Variants in ANKFY1 observed in about 807,000 individuals in gnomAD.
The protein encoded by ANKFY1 is ankyrin repeat and FYVE domain-containing protein 1.
A neutral mutation model predicts 128.3 loss-of-function variants in ANKFY1; 47 were observed. The ratio of observed to expected loss-of-function variants is 0.37; its 90% CI spans 0.29 to 0.47. The LOEUF (loss-of-function observed/expected upper bound fraction) is 0.47. Ranked by LOEUF, ANKFY1 falls within the 20% of genes least tolerant of loss-of-function variation. The probability of loss-of-function intolerance (pLI) is 1.00; values close to 1 mark genes in which losing one functional copy is unlikely to be tolerated. For missense variants in ANKFY1, 1,222 were observed against 1,510.6 expected (o/e 0.81, Z 3.17); for synonymous variants, 553 against 601.6 (o/e 0.92, Z 1.18).
chr17:4,228,375 G>A (rs1395541912), intron 3 of ANKFY1, among the ~76,000 whole-genome samples: 1 of 151,760 alleles, frequency 6.6e-6, no homozygotes, highest in Non-Finnish European at 1.5e-5. Flanking sequence ...GGATTGCAAA[G>A]AGACATGAGG....
At chr17:4,197,098 G>A (rs558162524) in intron 8 of ANKFY1, among the ~76,000 whole-genome samples, 7 of 152,242 alleles carry the variant, frequency 4.6e-5, no homozygotes, top group East Asian at 3.9e-4. Context: ...CAGCCTGGGT[G>A]ACAGAGTGAG....
At chr17:4,229,400 G>T (rs1467320065) in intron 3 of ANKFY1, among the ~76,000 whole-genome samples, 1 of 151,678 alleles carries the variant, frequency 6.6e-6, no homozygotes, top group South Asian at 2.1e-4. Flanking sequence ...CTCCAGCCTG[G>T]GTGACAGAGT....
intron 1 of ANKFY1, among the ~76,000 whole-genome samples, chr17:4,252,835 A>G (rs1967909287): frequency 1.3e-5 from 2 of 152,220 alleles, no homozygotes; most frequent in Non-Finnish European, 1.5e-5. Context: ...ACATCCATAT[A>G]ATGGAAGAGC....
intron 22 of ANKFY1, among the ~76,000 whole-genome samples, chr17:4,171,190 G>A (rs1333023320): frequency 6.6e-6 from 1 of 152,222 alleles, no homozygotes; most frequent in African/African-American, 2.4e-5. Flanking sequence ...ATCATCTACT[G>A]TGGTCTCAGT....
At chr17:4,213,946 G>A (rs2143020015) in intron 4 of ANKFY1, among the ~76,000 whole-genome samples, 2 of 152,178 alleles carry the variant, frequency 1.3e-5, no homozygotes, top group African/African-American at 4.8e-5. Context: ...CCACAGCAAT[G>A]TCTGACAAAG....
chr17:4,180,606 A>T (rs976967082), intron 16 of ANKFY1, among the ~76,000 whole-genome samples: 14 of 150,882 alleles, frequency 9.3e-5, no homozygotes, highest in African/African-American at 3.4e-4. Context: ...TACTAAAAAT[A>T]CAAAAAAAAA....
At chr17:4,188,140 A>C (rs1567923781) in intron 11 of ANKFY1, 1 of 152,346 alleles carries the variant, frequency 6.6e-6, no homozygotes, top group South Asian at 2.1e-4. Flanking sequence ...GCCCAAAACA[A>C]GCAGCAGCCT....
chr17:4,261,011 G>C (rs889700080), intron 1 of ANKFY1, among the ~76,000 whole-genome samples: 2 of 152,160 alleles, frequency 1.3e-5, no homozygotes, highest in Non-Finnish European at 2.9e-5. Context: ...TCTGATTAAA[G>C]CACAAGCAGT....
intron 2 of ANKFY1, among the ~76,000 whole-genome samples, chr17:4,240,333 G>A (rs1967142045): frequency 6.6e-6 from 1 of 151,166 alleles, no homozygotes; most frequent in African/African-American, 2.4e-5. Context: ...CCTAAGTGCT[G>A]GGATTACAGG....
At chr17:4,194,769 TTTCAGGGAC>T (rs1248177791) in intron 10 of ANKFY1, 200 bp downstream of exon 10, 7 of 568,248 alleles carry the variant, frequency 1.2e-5, no homozygotes, top group Non-Finnish European at 1.9e-5. Context: ...GAAGTTTCAG[TTTCAGGGAC>T]TTGATGTCTG....
In ANKFY1 at chr17:4,263,728, C is replaced by T. The variant is rs913029097; in HGVS notation, c.10+204G>A. On this transcript the variant is annotated intron_variant, in intron 1 of 24. Transcript: ENST00000341657. ...GCCGGCCGCAGTCCCGCGGGGTCGG[C>T]ATCGCGGGAGGGACGTTGTCATAGG... 5 of 1,481,352 alleles carry T rather than the reference C, an allele frequency of 3.4e-6. No homozygotes were observed. In the African/African-American group the frequency reaches 7.2e-5, roughly 21 times the overall value. The allele number at this position is 1,481,352 out of a possible 1,614,324, so 91.8% of individuals were successfully genotyped here. A position where few individuals can be genotyped will look rare whatever the true frequency, so the allele number is the denominator to read the frequency against.
At chr17:4,197,266 A>C (rs1405590036) in intron 8 of ANKFY1, 107 bp downstream of exon 8, 1 of 1,193,614 alleles carries the variant, frequency 8.4e-7, no homozygotes. Flanking sequence ...ATAAGACTGA[A>C]TAATGCCAAA....
chr17:4,174,889 A>G (rs928443345), intron 19 of ANKFY1, among the ~76,000 whole-genome samples: 2 of 151,918 alleles, frequency 1.3e-5, no homozygotes, highest in South Asian at 4.1e-4. Flanking sequence ...TACCTGGCTA[A>G]TTAAAAAAAA....
chr17:4,195,513 T>C lies in ANKFY1; in HGVS notation c.1104-42A>G, dbSNP rs201390368. ...AAGAGGGGTCAGTTCAGGACAGGCCTGTTCAGGATGACTCACGGCAAGACG... is the reference window on the plus strand; with the variant it reads ...AAGAGGGGTCAGTTCAGGACAGGCCCGTTCAGGATGACTCACGGCAAGACG... On this transcript the variant is annotated intron_variant, in intron 8 of 24. Coordinates refer to ENST00000341657, the MANE Select transcript of ANKFY1 (RefSeq NM_001330063.2). 310 of 1,528,266 alleles carry C rather than the reference T, an allele frequency of 2.0e-4. 1 individual carries two copies. Among genetic ancestry groups the C allele is most frequent in the Admixed American group, 6.4e-4 (36 of 56,182 alleles). 94.7% of individuals were successfully genotyped at this position (1,528,266 alleles called of 1,614,324 possible). A position where few individuals can be genotyped will look rare whatever the true frequency, so the allele number is the denominator to read the frequency against.
intron 1 of ANKFY1, among the ~76,000 whole-genome samples, chr17:4,242,835 A>G (rs1318930035): frequency 6.6e-6 from 1 of 152,218 alleles, no homozygotes; most frequent in Non-Finnish European, 1.5e-5. Flanking sequence ...CAGAAGCTCA[A>G]TATTATACAG....
chr17:4,202,611 G>C (rs1162580960), intron 7 of ANKFY1, among the ~76,000 whole-genome samples: 9 of 136,100 alleles, frequency 6.6e-5, no homozygotes, highest in Non-Finnish European at 3.2e-5. Context: ...GCAGGAGAAT[G>C]GCGTGAACCC....
At chr17:4,206,730 G>A (rs1467963167) in intron 6 of ANKFY1, among the ~76,000 whole-genome samples, 1 of 152,208 alleles carries the variant, frequency 6.6e-6, no homozygotes, top group Non-Finnish European at 1.5e-5. Flanking sequence ...TGTGGGAGAC[G>A]ATTAAAGGCC....
At chr17:4,182,458 A>C in intron 14 of ANKFY1, 109 bp from the exon 15 acceptor site, 1 of 793,152 alleles carries the variant, frequency 1.3e-6, no homozygotes, top group South Asian at 3.8e-5. Flanking sequence ...AATCATATTC[A>C]CTCACAATCA....
At chr17:4,255,249 T>TC (rs958376474) in intron 1 of ANKFY1, among the ~76,000 whole-genome samples, 2 of 149,104 alleles carry the variant, frequency 1.3e-5, no homozygotes, top group African/African-American at 2.5e-5. Flanking sequence ...AATTCTTTTT[T>TC]TTTTTTTTTT....
Sources: allele counts gnomAD v4.1 joint callset (sites outside exome capture counted in the v4.1 genomes callset), GRCh38; gene constraint gnomAD v4.1.1; transcripts MANE v1.5; gene names NCBI Gene and HGNC (gene_info 2026-07-23, HGNC 2026-07-21).